TMEM178B: variants seen among roughly 807,000 people sequenced by gnomAD.
TMEM178B encodes the protein transmembrane protein 178B.
Under a neutral mutation model 31.0 loss-of-function variants are expected in TMEM178B, and 5 were observed. The observed-to-expected ratio is 0.16, with a 90% CI of 0.08 to 0.34. The LOEUF (loss-of-function observed/expected upper bound fraction) is 0.34. Among genes scored for constraint, TMEM178B ranks in the 10% least tolerant of loss-of-function variants. The pLI, the probability that TMEM178B is intolerant of heterozygous loss-of-function variation, is 1.00. For missense variants in TMEM178B, 275 were observed against 400.3 expected, an observed-to-expected ratio of 0.69 and a Z score of 2.67; for synonymous variants, 164 against 164.0, an observed-to-expected ratio of 1.00 and a Z score of 0.00.
chr7:141,296,601 C>T (rs978799335), intron 2 of TMEM178B, among the ~76,000 whole-genome samples: 1 of 152,112 alleles, frequency 6.6e-6, no homozygotes, highest in Non-Finnish European at 1.5e-5. Context: ...GTCTTAGAGA[C>T]CTAGGGTTCT....
the TMEM178B span, among the ~76,000 whole-genome samples, chr7:141,507,772 A>C: frequency 6.6e-6 from 1 of 152,342 alleles, no homozygotes; most frequent in African/African-American, 2.4e-5. Flanking sequence ...CCCAAGCTGT[A>C]TGTTGGCCCC....
intron 2 of TMEM178B, among the ~76,000 whole-genome samples, chr7:141,262,474 A>ATATATATATATAT (rs1798028077): frequency 5.3e-5 from 7 of 131,864 alleles, no homozygotes; most frequent in South Asian, 2.6e-4. Context: ...AAATACATAT[A>ATATATATATATAT]ATATATATAT....
intron 3 of TMEM178B, among the ~76,000 whole-genome samples, chr7:141,441,335 T>C (rs887095758): frequency 1.3e-5 from 2 of 152,084 alleles, no homozygotes; most frequent in Non-Finnish European, 2.9e-5. Flanking sequence ...TCTTTAGGGG[T>C]TGGCCTGTTG....
chr7:141,198,193 G>C (rs1360321831), intron 1 of TMEM178B, among the ~76,000 whole-genome samples: 1 of 152,158 alleles, frequency 6.6e-6, no homozygotes, highest in African/African-American at 2.4e-5. Context: ...CTGTTTGGAA[G>C]CATCTGTGTG....
At chr7:141,337,310 C>T (rs1485499001) in intron 2 of TMEM178B, among the ~76,000 whole-genome samples, 1 of 146,728 alleles carries the variant, frequency 6.8e-6, no homozygotes. Flanking sequence ...ACCACCACCA[C>T]CACCATATTC....
chr7:141,357,126 C>T (rs918066094), intron 2 of TMEM178B, among the ~76,000 whole-genome samples: 1 of 152,222 alleles, frequency 6.6e-6, no homozygotes, highest in Non-Finnish European at 1.5e-5. Flanking sequence ...ATAATATCCT[C>T]AAATGAGGGC....
chr7:141,123,863 C>G (rs527697129), intron 1 of TMEM178B, among the ~76,000 whole-genome samples: 1 of 151,416 alleles, frequency 6.6e-6, no homozygotes, highest in Non-Finnish European at 1.5e-5. Context: ...AGTGATCCAT[C>G]CACCTCAGCT....
intron 1 of TMEM178B, among the ~76,000 whole-genome samples, chr7:141,189,163 T>C (rs1257802968): frequency 6.6e-6 from 1 of 152,216 alleles, no homozygotes; most frequent in African/African-American, 2.4e-5. Flanking sequence ...GAACATCAAA[T>C]GACAAAAGAG....
intron 2 of TMEM178B, among the ~76,000 whole-genome samples, chr7:141,371,699 C>T (rs984564939): frequency 6.6e-6 from 1 of 152,130 alleles, no homozygotes; most frequent in Non-Finnish European, 1.5e-5. Context: ...AGGCTGTGAC[C>T]CCCAGCATAC....
intron 2 of TMEM178B, among the ~76,000 whole-genome samples, chr7:141,226,236 A>G (rs1797340013): frequency 6.6e-6 from 1 of 152,126 alleles, no homozygotes; most frequent in African/African-American, 2.4e-5. Context: ...GAGGGTGTGA[A>G]GAAGGAAGGA....
chr7:141,175,619 G>A (rs1261674664), intron 1 of TMEM178B, among the ~76,000 whole-genome samples: 2 of 152,158 alleles, frequency 1.3e-5, no homozygotes, highest in Non-Finnish European at 2.9e-5. Context: ...CCATTTGTTT[G>A]TGTCCTCTGT....
At chr7:141,159,460 C>A (rs895298777) in intron 1 of TMEM178B, among the ~76,000 whole-genome samples, 1 of 152,182 alleles carries the variant, frequency 6.6e-6, no homozygotes, top group African/African-American at 2.4e-5. Flanking sequence ...ATACACCCCC[C>A]AGAATTGAAA....
At chr7:141,264,539 C>T (rs558925675) in intron 2 of TMEM178B, among the ~76,000 whole-genome samples, 4 of 152,072 alleles carry the variant, frequency 2.6e-5, no homozygotes, top group African/African-American at 4.8e-5. Context: ...GGAAGGGATC[C>T]GCTATGAAGA....
At chr7:141,220,013 A>G (rs993426357) in intron 2 of TMEM178B, among the ~76,000 whole-genome samples, 2 of 152,126 alleles carry the variant, frequency 1.3e-5, no homozygotes, top group African/African-American at 4.8e-5. Context: ...GGTAACGTAG[A>G]GACGCTTTAA....
chr7:141,468,006 T>C (rs1802176150), intron 3 of TMEM178B, among the ~76,000 whole-genome samples: 2 of 147,980 alleles, frequency 1.4e-5, no homozygotes, highest in South Asian at 4.3e-4. Context: ...AACAATAAAA[T>C]AAAACAAAGT....
In TMEM178B at chr7:141,475,038, G is replaced by A. The variant is rs1457621453; in HGVS notation, c.*4252G>A. 6.6e-6 allele frequency: 1 copy of A among 152,254 alleles called. No individual in the cohort carries two copies. Among genetic ancestry groups the A allele is most frequent in the African/African-American group, 2.4e-5 (1 of 41,464 alleles). The allele number at this position is 152,254 out of a possible 1,614,324, so 9.4% of individuals were successfully genotyped here. The stretch of plus-strand genomic sequence containing the variant: ...AAAGTGAAGTTGCTTTTCTGAAAAT[G>A]TTCCCTGTCTTCAGGGGACTTACCC... On this transcript the variant is annotated 3_prime_UTR_variant, in exon 4 of 4. Transcript: ENST00000565468.
intron 2 of TMEM178B, among the ~76,000 whole-genome samples, chr7:141,253,185 T>C (rs1281444981): frequency 6.6e-6 from 1 of 152,236 alleles, no homozygotes; most frequent in Non-Finnish European, 1.5e-5. Context: ...CTAGGGGCAG[T>C]ATCTGCTTCC....
intron 3 of TMEM178B, among the ~76,000 whole-genome samples, chr7:141,454,725 A>G (rs573646159): frequency 1.3e-5 from 2 of 152,020 alleles, no homozygotes; most frequent in African/African-American, 4.8e-5. Flanking sequence ...GAGAGAAAGT[A>G]TTGGGGATCT....
intron 2 of TMEM178B, among the ~76,000 whole-genome samples, chr7:141,417,101 C>T (rs1290787825): frequency 6.6e-6 from 1 of 152,200 alleles, no homozygotes; most frequent in East Asian, 1.9e-4. Flanking sequence ...GTTCCTGGCA[C>T]ATAGTAAGTG....
Sources: gnomAD v4.1 joint callset for allele counts (sites outside exome capture counted in the v4.1 genomes callset) on GRCh38, gnomAD v4.1.1 for gene constraint, MANE v1.5 for transcripts, NCBI Gene and HGNC (gene_info 2026-07-23, HGNC 2026-07-21) for gene names.